NFATC1: variants seen among roughly 807,000 people sequenced by gnomAD.
NFATC1 encodes the protein nuclear factor of activated T-cells, cytoplasmic 1.
Under a neutral mutation model 76.0 loss-of-function variants are expected in NFATC1, and 22 were observed. The ratio of observed to expected loss-of-function variants is 0.29; its 90% confidence interval spans 0.21 to 0.41. The LOEUF (loss-of-function observed/expected upper bound fraction) is 0.41. NFATC1 is among the 10% of genes least tolerant of loss of function. The pLI, the probability that NFATC1 is intolerant of heterozygous loss-of-function variation, is 1.00. For missense variants in NFATC1, 1,357 were observed against 1,337.7 expected (o/e 1.01, Z -0.23); for synonymous variants, 704 against 613.1 (o/e 1.15, Z -2.19).
chr18:79,407,011 G>A (rs371526823), intron 1 of NFATC1, among the ~76,000 whole-genome samples: 29 of 152,354 alleles, frequency 1.9e-4, no homozygotes, highest in African/African-American at 3.6e-4. Context: ...GGCTTTGCAC[G>A]GGCCACGGAG....
intron 1 of NFATC1, among the ~76,000 whole-genome samples, chr18:79,398,261 G>GC (rs1281399391): frequency 2.0e-5 from 3 of 152,236 alleles, no homozygotes; most frequent in African/African-American, 7.2e-5. Context: ...CAGACACAAT[G>GC]CCCCACGGGC....
intron 3 of NFATC1, among the ~76,000 whole-genome samples, chr18:79,438,156 G>A (rs769527422): frequency 6.6e-6 from 1 of 152,212 alleles, no homozygotes; most frequent in Non-Finnish European, 1.5e-5. Context: ...GCCCGCCCTG[G>A]TCACTCTGCC....
At chr18:79,464,702 A>ATATAT (rs1425452711) in intron 7 of NFATC1, among the ~76,000 whole-genome samples, 7 of 69,318 alleles carry the variant, frequency 1.0e-4, no homozygotes, top group African/African-American at 3.7e-4. Context: ...ATATTTATTT[A>ATATAT]TTTATTTATT....
In NFATC1 at chr18:79,403,510, C is replaced by T. The variant is rs550325310; in HGVS notation, c.128-6893C>T. On this transcript the variant is annotated intron_variant, in intron 1 of 9. Transcript: ENST00000427363. ...GCTTCGCTGTCAGCTGGGAGGCGGGCGTGCCCTGCTTCCCGCCCCAGGGCT... is the reference window on the plus strand; with the variant it reads ...GCTTCGCTGTCAGCTGGGAGGCGGGTGTGCCCTGCTTCCCGCCCCAGGGCT... Among the ~76,000 whole-genome samples, 15 of 152,332 alleles carry T rather than the reference C, an allele frequency of 9.8e-5. No individual in the cohort carries two copies. In the South Asian group the frequency reaches 1.4e-3, roughly 15 times the overall value.
intron 1 of NFATC1, among the ~76,000 whole-genome samples, chr18:79,398,209 G>C (rs905324856): frequency 2.0e-5 from 3 of 152,226 alleles, no homozygotes; most frequent in African/African-American, 7.2e-5. Flanking sequence ...AGAACGCAGA[G>C]AAGTACAGGC....
chr18:79,485,689 C>G (rs893646280), intron 8 of NFATC1, among the ~76,000 whole-genome samples: 9 of 152,236 alleles, frequency 5.9e-5, no homozygotes, highest in Non-Finnish European at 1.2e-4. Flanking sequence ...ACAGCCTCCA[C>G]ACAGCCTGTC....
intron 2 of NFATC1, among the ~76,000 whole-genome samples, chr18:79,416,169 A>G (rs535271060): frequency 2.0e-4 from 31 of 152,350 alleles, no homozygotes; most frequent in African/African-American, 7.5e-4. Context: ...TATTAGTTTC[A>G]AAAGGTCTGA....
chr18:79,437,641 C>T (rs913422564), intron 3 of NFATC1, among the ~76,000 whole-genome samples: 1 of 152,266 alleles, frequency 6.6e-6, no homozygotes, highest in Non-Finnish European at 1.5e-5. Context: ...CCAGCTCACA[C>T]TGAGTGTCCT....
chr18:79,522,968 G>C (rs999855019), intron 9 of NFATC1, among the ~76,000 whole-genome samples: 1 of 152,344 alleles, frequency 6.6e-6, no homozygotes, highest in East Asian at 1.9e-4. Flanking sequence ...CAGCAGAGCC[G>C]GCTGAGCTCA....
At chr18:79,520,929 G>A (rs2090529850) in intron 9 of NFATC1, among the ~76,000 whole-genome samples, 1 of 117,466 alleles carries the variant, frequency 8.5e-6, no homozygotes, top group Non-Finnish European at 1.7e-5. Context: ...GTGTGTGTGT[G>A]GGAGGGAGCA....
Position 79,449,083 on chromosome 18 carries a change from A to T in NFATC1, c.1589+99A>T, listed in dbSNP as rs1018198909. 2.0e-5 allele frequency: 24 copies of T among 1,192,800 alleles called. No individual in the cohort carries two copies. The African/African-American group carries it at 3.1e-4, about 15-fold the overall frequency. 73.9% of individuals were successfully genotyped at this position (1,192,800 alleles called of 1,614,324 possible). ...GGTCTGGCCAGCCCCCCGCACTTCC[A>T]GGCTGCGTGGCCAGGACACTTTTGG... On this transcript the variant is annotated intron_variant, in intron 4 of 9. Coordinates refer to ENST00000427363, the MANE Select transcript of NFATC1 (RefSeq NM_001278669.2).
rs543709743 is a variant in NFATC1 at position 79,453,169 on chromosome 18, C to T, written c.1903+1353C>T. The stretch of plus-strand genomic sequence containing the variant: ...TCAGAGCTTTCGGTGTGTGTCCACG[C>T]GTTGGCGGAGAAACACTTCGCCCAC... On this transcript the variant is annotated intron_variant, in intron 6 of 9. Transcript: ENST00000427363. Among the ~76,000 whole-genome samples, 18 of 152,354 alleles carry T rather than the reference C, an allele frequency of 1.2e-4. No individual in the cohort carries two copies. The South Asian group carries it at 3.7e-3, about 32-fold the overall frequency.
At position 79,396,178 on chromosome 18, in the gene NFATC1, C is replaced by G; in HGVS notation, c.-47C>G. 2 of 1,423,788 alleles carry G rather than the reference C, an allele frequency of 1.4e-6. No homozygotes were observed. Among genetic ancestry groups the G allele is most frequent in the Non-Finnish European group, 1.9e-6 (2 of 1,076,274 alleles). The allele number at this position is 1,423,788 out of a possible 1,614,324, so 88.2% of individuals were successfully genotyped here. ...CCCCGGCAGCGCGGGGCGGCCGCTT[C>G]TCCTGTGCCTCCGCCCGCCGCTCCA... On this transcript the variant is annotated 5_prime_UTR_variant, in exon 1 of 10. Coordinates refer to ENST00000427363, the MANE Select transcript of NFATC1 (RefSeq NM_001278669.2).
chr18:79,438,606 C>T (rs1346986358), intron 3 of NFATC1, among the ~76,000 whole-genome samples: 1 of 152,226 alleles, frequency 6.6e-6, no homozygotes, highest in Non-Finnish European at 1.5e-5. Flanking sequence ...CGTTCTGAAA[C>T]AGCATTTTAG....
rs551939480 is a variant in NFATC1 at position 79,455,819 on chromosome 18, T to C, written c.1903+4003T>C. On this transcript the variant is annotated intron_variant, in intron 6 of 9. Transcript: ENST00000427363. ...CCACGGCCGCCCCATCCTCTGGCCC[T>C]GGATGTTACCACGTGGAGAAGACAG... Among the ~76,000 whole-genome samples, 20 of 119,006 alleles carry C rather than the reference T, an allele frequency of 1.7e-4. No individual in the cohort carries two copies. In the East Asian group the frequency reaches 5.1e-3, roughly 31 times the overall value. 78.1% of individuals were successfully genotyped at this position (119,006 alleles called of 152,430 possible).
At chr18:79,407,202 G>T (rs2085473358) in intron 1 of NFATC1, among the ~76,000 whole-genome samples, 1 of 152,250 alleles carries the variant, frequency 6.6e-6, no homozygotes, top group Admixed American at 6.5e-5. Flanking sequence ...TAGCGTTGGG[G>T]CCTGGTGTTT....
chr18:79,523,355 C>A (rs1348576044), intron 9 of NFATC1, among the ~76,000 whole-genome samples: 2 of 152,228 alleles, frequency 1.3e-5, no homozygotes, highest in African/African-American at 4.8e-5. Flanking sequence ...AACAAAACTC[C>A]TGCGTGAAAC....
chr18:79,459,377 G>A (rs1218731877), intron 6 of NFATC1, among the ~76,000 whole-genome samples: 1 of 152,212 alleles, frequency 6.6e-6, no homozygotes, highest in African/African-American at 2.4e-5. Flanking sequence ...GCAGCCACCT[G>A]GAGGAGGCCG....
intron 8 of NFATC1, among the ~76,000 whole-genome samples, chr18:79,478,263 C>T (rs964917926): frequency 6.6e-6 from 1 of 152,118 alleles, no homozygotes; most frequent in Non-Finnish European, 1.5e-5. Context: ...GATTTTTATT[C>T]TCAGATCTTG....
Sources: gnomAD v4.1 joint callset for allele counts (sites outside exome capture counted in the v4.1 genomes callset) on GRCh38, gnomAD v4.1.1 for gene constraint, MANE v1.5 for transcripts, NCBI Gene and HGNC (gene_info 2026-07-23, HGNC 2026-07-21) for gene names.